The following RYR2 variants were observed in gnomAD, a reference collection of about 807,000 sequenced individuals.
RYR2 encodes the protein cardiac muscle ryanodine receptor-calcium release channel.
Under a neutral mutation model 601.1 loss-of-function variants are expected in RYR2, and 227 were observed. The observed-to-expected ratio is 0.38, with a 90% confidence interval of 0.34 to 0.42. The LOEUF is 0.42. Among genes scored for constraint, RYR2 ranks in the 10% least tolerant of loss-of-function variants. The probability of loss-of-function intolerance (pLI) is 1.00; values close to 1 mark genes in which losing one functional copy is unlikely to be tolerated. For missense variants in RYR2, 4,646 were observed against 6,156.5 expected (o/e 0.75, Z 8.21); for synonymous variants, 2,223 against 2,175.1 (o/e 1.02, Z -0.61).
At chr1:237,122,050 A>G (rs1206960802) in intron 1 of RYR2, among the ~76,000 whole-genome samples, 1 of 152,164 alleles carries the variant, frequency 6.6e-6, no homozygotes, top group East Asian at 1.9e-4. Flanking sequence ...TGGGCTCAAC[A>G]TTTTTTATCA....
chr1:237,429,550 T>G (rs1285191887), intron 12 of RYR2, among the ~76,000 whole-genome samples: 1 of 152,094 alleles, frequency 6.6e-6, no homozygotes, highest in Non-Finnish European at 1.5e-5. Context: ...ACCCTGTGTC[T>G]AACTGTGATC....
intron 36 of RYR2, among the ~76,000 whole-genome samples, chr1:237,611,839 A>G (rs1677903112): frequency 6.6e-6 from 1 of 152,196 alleles, no homozygotes; most frequent in South Asian, 2.1e-4. Context: ...TTTAAAATTT[A>G]ACCTATGCTT....
At chr1:237,084,993 C>T (rs1666151329) in intron 1 of RYR2, among the ~76,000 whole-genome samples, 1 of 152,152 alleles carries the variant, frequency 6.6e-6, no homozygotes, top group Non-Finnish European at 1.5e-5. Context: ...TTCACATCGG[C>T]TTTTTATTTT....
At chr1:237,627,397 T>A (rs1679787746) in intron 40 of RYR2, among the ~76,000 whole-genome samples, 1 of 152,222 alleles carries the variant, frequency 6.6e-6, no homozygotes, top group African/African-American at 2.4e-5. Flanking sequence ...TTTTTGAATG[T>A]CCGTGACCGA....
At chr1:237,403,164 A>G (rs1703542241) in intron 10 of RYR2, among the ~76,000 whole-genome samples, 1 of 152,204 alleles carries the variant, frequency 6.6e-6, no homozygotes, top group East Asian at 1.9e-4. Context: ...GACTAACTAT[A>G]TTAAGCTACT....
chr1:237,628,449 C>T (rs1006557009), intron 41 of RYR2, among the ~76,000 whole-genome samples: 1 of 150,092 alleles, frequency 6.7e-6, no homozygotes, highest in Non-Finnish European at 1.5e-5. Flanking sequence ...CAATTCCCAC[C>T]TATGAGTGAG....
At chr1:237,234,603 T>C (rs1361637348) in intron 1 of RYR2, among the ~76,000 whole-genome samples, 1 of 152,228 alleles carries the variant, frequency 6.6e-6, no homozygotes, top group Non-Finnish European at 1.5e-5. Flanking sequence ...AATATGTAAA[T>C]TGAAATGTTG....
rs10686110 is a variant in RYR2, at chr1:237,187,443, C to CTTTTTTTTTTTTTT, written c.49-83048_49-83035dup. The stretch of plus-strand genomic sequence containing the variant: ...GGCGTGAGCCAACACGCCCGGCCGA[C>CTTTTTTTTTTTTTT]TTTTTTTTTTTTTTTTTTTGAGACA... On this transcript the variant is annotated intron_variant, in intron 1 of 104. Transcript: ENST00000366574. Among the ~76,000 whole-genome samples the CTTTTTTTTTTTTTT allele has an allele frequency of 4.6e-5, 4 of 86,760 alleles. 2 individuals carry two copies. The highest frequency in any genetic ancestry group is 4.2e-5 in the Non-Finnish European group (2 of 47,500). The allele number at this position is 86,760 out of a possible 152,430, so 56.9% of individuals were successfully genotyped here.
At chr1:237,248,819 T>G (rs772276339) in intron 1 of RYR2, among the ~76,000 whole-genome samples, 6 of 150,192 alleles carry the variant, frequency 4.0e-5, no homozygotes, top group Non-Finnish European at 7.4e-5. Context: ...TAGAGTGCAA[T>G]GGCGTGATCT....
intron 17 of RYR2, among the ~76,000 whole-genome samples, chr1:237,472,217 A>G (rs1318653828): frequency 3.3e-5 from 5 of 152,208 alleles, no homozygotes; most frequent in Non-Finnish European, 4.4e-5. Context: ...GCTCTTTACA[A>G]AGTGCATACA....
intron 1 of RYR2, among the ~76,000 whole-genome samples, chr1:237,107,477 A>G (rs2490345): frequency 0.94 from 130,579 of 138,426 alleles, 61,780 homozygotes; most frequent in Non-Finnish European, 0.98. Flanking sequence ...CCGAGATCGC[A>G]CCACTGCACT....
intron 2 of RYR2, among the ~76,000 whole-genome samples, chr1:237,274,352 G>A (rs1690043220): frequency 6.6e-6 from 1 of 151,106 alleles, no homozygotes; most frequent in Non-Finnish European, 1.5e-5. Context: ...TTTCAATCTT[G>A]TGTAGGCCTA....
chr1:237,258,585 T>G (rs1228032821), intron 1 of RYR2, among the ~76,000 whole-genome samples: 1 of 152,242 alleles, frequency 6.6e-6, no homozygotes, highest in African/African-American at 2.4e-5. Flanking sequence ...TATTCTTTTA[T>G]GTACCTCTTG....
rs1558527623 is a variant in RYR2, at chr1:237,268,950, A to AAAAAAAAC, written c.49-1540_49-1539insCAAAAAAA. On this transcript the variant is annotated intron_variant, in intron 1 of 104. Transcript: ENST00000366574. ...ACTCTTGTCTCAAAAAAAAAAAAAA[A>AAAAAAAAC]AAAAAAAAAAAGGAAATAAAGGCAA... Among the ~76,000 whole-genome samples, 32 of 107,248 alleles carry AAAAAAAAC rather than the reference A, an allele frequency of 3.0e-4. 2 individuals are homozygous for AAAAAAAAC. The highest frequency in any genetic ancestry group is 5.5e-4 in the Non-Finnish European group (26 of 47,518). 70.4% of individuals were successfully genotyped at this position (107,248 alleles called of 152,430 possible).
intron 2 of RYR2, among the ~76,000 whole-genome samples, chr1:237,308,424 G>A (rs12728123): frequency 0.34 from 51,268 of 151,852 alleles, 8,884 homozygotes; most frequent in South Asian, 0.51. Flanking sequence ...TTTGCACTGC[G>A]CACTCACCTT....
intron 5 of RYR2, among the ~76,000 whole-genome samples, chr1:237,364,705 C>T (rs1240498213): frequency 6.6e-6 from 1 of 151,752 alleles, no homozygotes; most frequent in Non-Finnish European, 1.5e-5. Flanking sequence ...CATATTGTAA[C>T]ATTATATTTA....
intron 1 of RYR2, among the ~76,000 whole-genome samples, chr1:237,074,080 G>A (rs1664714879): frequency 6.6e-6 from 1 of 152,034 alleles, no homozygotes; most frequent in Non-Finnish European, 1.5e-5. Context: ...TACTCAGGGG[G>A]CAGAGGCAGA....
chr1:237,059,233 A>G (rs2148222902), intron 1 of RYR2, among the ~76,000 whole-genome samples: 1 of 152,290 alleles, frequency 6.6e-6, no homozygotes, highest in African/African-American at 2.4e-5. Flanking sequence ...CCTTACTGGG[A>G]TACAGAAATG....
chr1:237,223,471 A>C (rs1684042904), intron 1 of RYR2, among the ~76,000 whole-genome samples: 1 of 152,198 alleles, frequency 6.6e-6, no homozygotes, highest in African/African-American at 2.4e-5. Flanking sequence ...TAAGGCATTA[A>C]ATCAATTTTG....
Sources: gnomAD v4.1 joint callset for allele counts (sites outside exome capture counted in the v4.1 genomes callset) on GRCh38, gnomAD v4.1.1 for gene constraint, MANE v1.5 for transcripts, NCBI Gene and HGNC (gene_info 2026-07-23, HGNC 2026-07-21) for gene names.